The following CLVS1 variants were observed in gnomAD, a reference collection of about 807,000 sequenced individuals.
CLVS1 encodes clavesin 1.
A neutral mutation model predicts 33.1 loss-of-function variants in CLVS1; 10 were observed. The observed-to-expected ratio is 0.30, with a 90% CI of 0.19 to 0.51. CLVS1 has a LOEUF of 0.51. Ranked by LOEUF, CLVS1 falls within the 20% of genes least tolerant of loss-of-function variation. The probability of loss-of-function intolerance (pLI) is 0.97; values close to 1 mark genes in which losing one functional copy is unlikely to be tolerated. For missense variants in CLVS1, 343 were observed against 433.4 expected (o/e 0.79, Z 1.85); for synonymous variants, 163 against 166.1 (o/e 0.98, Z 0.14).
chr8:61,195,199 A>C (rs2129303609), intron 2 of CLVS1, among the ~76,000 whole-genome samples: 2 of 152,104 alleles, frequency 1.3e-5, no homozygotes, highest in Middle Eastern at 6.8e-3. Context: ...AATTAATAAA[A>C]TATAAAACAG....
At chr8:61,009,021 TC>T in the CLVS1 span, among the ~76,000 whole-genome samples, 1 of 152,328 alleles carries the variant, frequency 6.6e-6, no homozygotes, top group South Asian at 2.1e-4. Flanking sequence ...GGCTATTCAA[TC>T]CCTTTGGTCA....
At chr8:61,483,729 A>T (rs1033314149) in intron 5 of CLVS1, among the ~76,000 whole-genome samples, 2 of 152,254 alleles carry the variant, frequency 1.3e-5, no homozygotes, top group African/African-American at 2.4e-5. Context: ...ATGCAGCAGC[A>T]CATCAAAGAG....
At chr8:61,199,212 C>T (rs1563441987) in intron 2 of CLVS1, among the ~76,000 whole-genome samples, 2 of 152,078 alleles carry the variant, frequency 1.3e-5, no homozygotes, top group African/African-American at 2.4e-5. Context: ...GGATTTATGA[C>T]TAAGACTCCA....
upstream of CLVS1, among the ~76,000 whole-genome samples, chr8:61,286,538 T>C (rs952276983): frequency 6.6e-6 from 1 of 152,224 alleles, no homozygotes; most frequent in Non-Finnish European, 1.5e-5. Flanking sequence ...TGGGAATGTA[T>C]AAGCTATGTT....
At chr8:61,216,307 T>G (rs1808084452) in intron 2 of CLVS1, among the ~76,000 whole-genome samples, 1 of 152,178 alleles carries the variant, frequency 6.6e-6, no homozygotes, top group East Asian at 1.9e-4. Flanking sequence ...TAAGAATAAG[T>G]TGGAAGATCC....
the CLVS1 span, among the ~76,000 whole-genome samples, chr8:60,972,944 G>A: frequency 1.7e-4 from 26 of 152,314 alleles, no homozygotes; most frequent in Admixed American, 3.3e-4. Context: ...TGGACAAGAT[G>A]AACCCATTGG....
At chr8:61,106,885 T>C (rs543836692) in intron 1 of CLVS1, among the ~76,000 whole-genome samples, 1 of 152,114 alleles carries the variant, frequency 6.6e-6, no homozygotes, top group Admixed American at 6.5e-5. Context: ...GGCCAGGTGC[T>C]CAGTGCTGGG....
At chr8:61,481,328 C>G (rs1375654131) in intron 5 of CLVS1, among the ~76,000 whole-genome samples, 1 of 152,162 alleles carries the variant, frequency 6.6e-6, no homozygotes, top group Non-Finnish European at 1.5e-5. Context: ...TCTGCATTTC[C>G]AACTGAAGTA....
chr8:61,460,281 T>A (rs920779024), intron 5 of CLVS1, among the ~76,000 whole-genome samples: 1 of 152,224 alleles, frequency 6.6e-6, no homozygotes, highest in Non-Finnish European at 1.5e-5. Context: ...CATATATGTG[T>A]GTATACATAT....
At chr8:61,340,548 A>G (rs1811994719) in intron 2 of CLVS1, among the ~76,000 whole-genome samples, 1 of 136,324 alleles carries the variant, frequency 7.3e-6, no homozygotes, top group Non-Finnish European at 1.5e-5. Flanking sequence ...TAGTATTCAT[A>G]TATATATATA....
chr8:61,267,469 G>A (rs1809334184), intron 2 of CLVS1, among the ~76,000 whole-genome samples: 1 of 152,078 alleles, frequency 6.6e-6, no homozygotes. Context: ...TATTTTTAAA[G>A]TTTTCTTTGT....
In CLVS1 at chr8:61,376,770, A is replaced by G. The variant is rs1162604466; in HGVS notation, c.621A>G (p.Glu207=). ...LTPSILKLAI[E]GLQDSFPARF... ...CTTCAATCCTTAAACTGGCCATTGA[A>G]GGGTTGCAGGTATGTTCAATGAATG... Residue 207 remains glutamate, a synonymous_variant, in exon 3 of 6, where the codon GAA becomes GAG. Transcript: ENST00000325897. 1.2e-6 allele frequency: 2 copies of G among 1,613,988 alleles called. No individual in the cohort carries two copies. Among genetic ancestry groups the G allele is most frequent in the Non-Finnish European group, 1.7e-6 (2 of 1,179,880 alleles).
At chr8:60,965,047 T>A in the CLVS1 span, among the ~76,000 whole-genome samples, 1 of 152,176 alleles carries the variant, frequency 6.6e-6, no homozygotes, top group African/African-American at 2.4e-5. Context: ...TTTTCTTTTT[T>A]TTTGAGTTGC....
chr8:61,396,724 A>G (rs1444214336), intron 3 of CLVS1, among the ~76,000 whole-genome samples: 2 of 152,152 alleles, frequency 1.3e-5, no homozygotes, highest in Non-Finnish European at 2.9e-5. Context: ...ACAGGCAACC[A>G]CTAGTCTACT....
At chr8:61,303,663 G>A (rs1206592623) in intron 2 of CLVS1, among the ~76,000 whole-genome samples, 4 of 152,220 alleles carry the variant, frequency 2.6e-5, no homozygotes, top group East Asian at 3.9e-4. Flanking sequence ...ACAAGCCTCC[G>A]TTTGAATTTA....
At chr8:61,386,428 C>G (rs907888155) in intron 3 of CLVS1, among the ~76,000 whole-genome samples, 1 of 152,196 alleles carries the variant, frequency 6.6e-6, no homozygotes, top group African/African-American at 2.4e-5. Context: ...AATAGGTTTG[C>G]TCTCACATAT....
chr8:61,093,436 T>C (rs1247770593), intron 1 of CLVS1, among the ~76,000 whole-genome samples: 1 of 152,168 alleles, frequency 6.6e-6, no homozygotes, highest in Non-Finnish European at 1.5e-5. Context: ...GTGTGGGTCA[T>C]TCAGGTTTTT....
intron 2 of CLVS1, among the ~76,000 whole-genome samples, chr8:61,201,640 T>A (rs1807734537): frequency 6.6e-6 from 1 of 151,936 alleles, no homozygotes; most frequent in African/African-American, 2.4e-5. Flanking sequence ...GGCCAAAGAG[T>A]TCATGTTTTT....
intron 2 of CLVS1, among the ~76,000 whole-genome samples, chr8:61,360,205 T>A (rs1272458487): frequency 6.6e-6 from 1 of 152,168 alleles, no homozygotes; most frequent in African/African-American, 2.4e-5. Flanking sequence ...GCCTTCCTGG[T>A]CTTCCCAGAG....
Sources: allele counts gnomAD v4.1 joint callset (sites outside exome capture counted in the v4.1 genomes callset), GRCh38; gene constraint gnomAD v4.1.1; transcripts MANE v1.5; gene names NCBI Gene and HGNC (gene_info 2026-07-23, HGNC 2026-07-21).